Variants in SNTB2 observed in about 807,000 individuals in gnomAD.
SNTB2 encodes the protein beta-2-syntrophin.
In SNTB2, 34 loss-of-function variants were observed where a neutral mutation model predicts 46.2. The ratio of observed to expected loss-of-function variants is 0.74; its 90% CI spans 0.56 to 0.98. The LOEUF is 0.98. Ranked by LOEUF, SNTB2 falls within the 50% of genes least tolerant of loss-of-function variation. SNTB2 has a pLI of 0.00. For missense variants in SNTB2, 603 were observed against 731.4 expected (o/e 0.82, Z 2.02); for synonymous variants, 290 against 312.6 (o/e 0.93, Z 0.76).
chr16:69,187,750 AGCGGGGCCGGGCGGGAGGGTGG>A lies in SNTB2; in HGVS notation c.580+7_580+28del. On this transcript the variant is annotated splice_donor_5th_base_variant and intron_variant, in intron 1 of 6. Coordinates refer to ENST00000336278, the MANE Select transcript of SNTB2 (RefSeq NM_006750.4). ...GGCAAGGAGGTGCTGCTGGAGGGTG[AGCGGGGCCGGGCGGGAGGGTGG>A]GCAGGCCGCGGCGGCCTGGGCTCGC... The A allele has an allele frequency of 3.7e-6, 1 of 269,144 alleles. No individual in the cohort carries two copies. The highest frequency in any genetic ancestry group is 6.3e-6 in the Non-Finnish European group (1 of 159,852). The allele number at this position is 269,144 out of a possible 1,614,324, so 16.7% of individuals were successfully genotyped here.
rs182204686 is a variant in SNTB2, at chr16:69,288,071, G to T, written c.1345+3827G>T. Among the ~76,000 whole-genome samples the T allele has an allele frequency of 4.0e-3, 604 of 152,068 alleles. 22 individuals are homozygous for T. Among genetic ancestry groups the T allele is most frequent in the Admixed American group, 0.035 (540 of 15,266 alleles). ...AAATACAGTATTGGAGGTGAGGCAC[G>T]GTGGCTTACACCAGAATCACACTGG... On this transcript the variant is annotated intron_variant, in intron 5 of 6. Transcript: ENST00000336278.
chr16:69,213,333 T>G (rs1964308454), intron 1 of SNTB2, among the ~76,000 whole-genome samples: 1 of 152,306 alleles, frequency 6.6e-6, no homozygotes, highest in Admixed American at 6.5e-5. Flanking sequence ...GAATGTGTTT[T>G]ATTCTCAGTA....
rs1024109946 is a variant in SNTB2 at position 69,305,489 on chromosome 16, A to G, written c.*4565A>G. On this transcript the variant is annotated 3_prime_UTR_variant, in exon 7 of 7. Transcript: ENST00000336278. Reference sequence around the variant, plus strand: ...AATGAAATGGCTGGTTAGAAAGCCAAAGGTCTTCTTTTTTCAATTCCTAAT... The same window carrying G: ...AATGAAATGGCTGGTTAGAAAGCCAGAGGTCTTCTTTTTTCAATTCCTAAT... 3 of 152,236 alleles carry G rather than the reference A, an allele frequency of 2.0e-5. No individual in the cohort carries two copies. The highest frequency in any genetic ancestry group is 4.8e-5 in the African/African-American group (2 of 41,466). 9.4% of individuals were successfully genotyped at this position (152,236 alleles called of 1,614,324 possible). A position where few individuals can be genotyped will look rare whatever the true frequency, so the allele number is the denominator to read the frequency against.
intron 1 of SNTB2, among the ~76,000 whole-genome samples, chr16:69,211,773 C>T (rs1258411339): frequency 1.3e-5 from 2 of 152,140 alleles, no homozygotes; most frequent in African/African-American, 2.4e-5. Flanking sequence ...ATACTAATGT[C>T]CTGGTCACAG....
chr16:69,274,639 C>G (rs547083451), intron 4 of SNTB2, among the ~76,000 whole-genome samples: 1 of 136,672 alleles, frequency 7.3e-6, no homozygotes, highest in Non-Finnish European at 1.5e-5. Context: ...GGAGACAGAG[C>G]GAGACTCCAT....
intron 1 of SNTB2, among the ~76,000 whole-genome samples, chr16:69,198,787 C>T (rs1964131655): frequency 6.6e-6 from 1 of 151,938 alleles, no homozygotes; most frequent in Non-Finnish European, 1.5e-5. Context: ...AAATAAGATC[C>T]CTTCCAGCTC....
chr16:69,225,739 A>T (rs1388064427), intron 1 of SNTB2, among the ~76,000 whole-genome samples: 1 of 152,184 alleles, frequency 6.6e-6, no homozygotes, highest in Non-Finnish European at 1.5e-5. Context: ...TGCACATAGG[A>T]GAGAGTTGTT....
chr16:69,262,928 A>C (rs188482176), intron 3 of SNTB2, among the ~76,000 whole-genome samples: 1 of 152,238 alleles, frequency 6.6e-6, no homozygotes, highest in African/African-American at 2.4e-5. Context: ...CACCCGCCTC[A>C]GCCTCCCAAA....
intron 1 of SNTB2, among the ~76,000 whole-genome samples, chr16:69,242,997 G>A (rs1201368173): frequency 2.0e-5 from 3 of 149,766 alleles, no homozygotes; most frequent in African/African-American, 4.9e-5. Context: ...CTCCAGCCTG[G>A]GCGACAGAGT....
At chr16:69,207,151 TTTC>T (rs1483802325) in intron 1 of SNTB2, among the ~76,000 whole-genome samples, 2 of 138,474 alleles carry the variant, frequency 1.4e-5, no homozygotes, top group Non-Finnish European at 3.2e-5. Context: ...CTTTTCTTTC[TTTC>T]TTTTTTTTTT....
chr16:69,232,605 G>C (rs560673532), intron 1 of SNTB2, among the ~76,000 whole-genome samples: 1 of 137,290 alleles, frequency 7.3e-6, no homozygotes, highest in Non-Finnish European at 1.5e-5. Context: ...TCTGCCTCCC[G>C]GGTTCAAGCG....
rs1965330811 is a variant in SNTB2 at position 69,308,348 on chromosome 16, A to G, written c.*7424A>G. On this transcript the variant is annotated 3_prime_UTR_variant, in exon 7 of 7. Transcript: ENST00000336278. ...GGGGGGAGAGGAAATGATGATGTCA[A>G]TTAAGTTTCAGGTTTGGCATGATCA... 1 of 152,632 alleles carries G rather than the reference A, an allele frequency of 6.6e-6. No individual in the cohort carries two copies. Among genetic ancestry groups the G allele is most frequent in the African/African-American group, 2.4e-5 (1 of 41,462 alleles). The allele number at this position is 152,632 out of a possible 1,614,324, so 9.5% of individuals were successfully genotyped here.
At chr16:69,187,881 T>G in intron 1 of SNTB2, 135 bp downstream of exon 1, 1 of 727,776 alleles carries the variant, frequency 1.4e-6, no homozygotes, top group Non-Finnish European at 2.0e-6. Context: ...TCTGGAGCTT[T>G]CAGTGTGGAA....
intron 3 of SNTB2, among the ~76,000 whole-genome samples, chr16:69,263,030 CTT>C (rs1964849940): frequency 6.6e-6 from 1 of 151,938 alleles, no homozygotes; most frequent in African/African-American, 2.4e-5. Context: ...TTAATTGAAA[CTT>C]TGTACCATTT....
rs1475884992 is a variant in SNTB2, at chr16:69,217,781, G to C, written c.581-27821G>C. On this transcript the variant is annotated intron_variant, in intron 1 of 6. Transcript: ENST00000336278. ...TAGAAGAAGTTTTCTGATTTCTTTA[G>C]GCCTCAGATTTCTTAGGTTTCAGTT... Among the ~76,000 whole-genome samples, 4 of 152,112 alleles carry C rather than the reference G, an allele frequency of 2.6e-5. No homozygotes were observed. The East Asian group carries it at 7.7e-4, about 29-fold the overall frequency.
At chr16:69,204,683 A>G (rs1259294893) in intron 1 of SNTB2, among the ~76,000 whole-genome samples, 2 of 152,330 alleles carry the variant, frequency 1.3e-5, no homozygotes, top group African/African-American at 4.8e-5. Context: ...TGAGTTTTAA[A>G]TGGAAGCAAG....
chr16:69,300,861 G>A lies in SNTB2; in HGVS notation c.1560G>A (p.Pro520=), dbSNP rs776378408. The part of the protein sequence containing the change: ...LTMDLHSCPK[P]IVFVLHTFLS... ...TGGACCTGCACTCTTGTCCGAAGCC[G>A]ATTGTATTTGTGTTGCACACGTTTT... The change falls in exon 7 of 7, where the codon CCG becomes CCA. Residue 520 remains proline, a synonymous_variant. Coordinates refer to ENST00000336278, the MANE Select transcript of SNTB2 (RefSeq NM_006750.4). 14 of 1,613,794 alleles carry A rather than the reference G, an allele frequency of 8.7e-6. No homozygotes were observed. Among genetic ancestry groups the A allele is most frequent in the South Asian group, 4.4e-5 (4 of 91,096 alleles).
intron 1 of SNTB2, among the ~76,000 whole-genome samples, chr16:69,218,340 A>G (rs1475729220): frequency 2.6e-5 from 4 of 152,182 alleles, no homozygotes; most frequent in African/African-American, 9.6e-5. Context: ...GGAATTTTGG[A>G]ATTAAATGTA....
chr16:69,236,663 T>C (rs142972124), intron 1 of SNTB2, among the ~76,000 whole-genome samples: 205 of 151,318 alleles, frequency 1.4e-3, no homozygotes, highest in African/African-American at 4.8e-3. Context: ...GTTGTGTATA[T>C]TTTACAATTA....
Sources: allele counts gnomAD v4.1 joint callset (sites outside exome capture counted in the v4.1 genomes callset), GRCh38; gene constraint gnomAD v4.1.1; transcripts MANE v1.5; gene names NCBI Gene and HGNC (gene_info 2026-07-23, HGNC 2026-07-21).